SERPINA11: variants seen among roughly 807,000 people sequenced by gnomAD.
SERPINA11 encodes serpin A11.
In SERPINA11, 28 loss-of-function variants were observed where a neutral mutation model predicts 29.4. The ratio of observed to expected loss-of-function variants is 0.95; its 90% CI spans 0.70 to 1.30. The LOEUF is 1.30. Ranked by LOEUF, SERPINA11 falls within the 50% of genes most tolerant of loss-of-function variation. The pLI is 0.00. For synonymous variants in SERPINA11, 253 were observed against 206.6 expected (o/e 1.22, Z -1.92); for missense variants, 530 against 507.3 (o/e 1.04, Z -0.43).
chr14:94,449,406 A>C (rs200619911), intron 1 of SERPINA11, among the ~76,000 whole-genome samples: 3 of 40,696 alleles, frequency 7.4e-5, no homozygotes, highest in African/African-American at 2.2e-4. Flanking sequence ...CTTTCTTTCT[A>C]TTCTTTCTTT....
chr14:94,444,569 C>T (rs942271981), intron 3 of SERPINA11, among the ~76,000 whole-genome samples: 2 of 152,072 alleles, frequency 1.3e-5, no homozygotes, highest in Non-Finnish European at 2.9e-5. Flanking sequence ...CCCAAAGGAG[C>T]CAGGGACTAT....
rs1486264648 is a variant in SERPINA11 at position 94,442,927 on chromosome 14, G to T, written c.1066-118C>A. ...AGGAAGGGGAGGTAGAGAAGGAAAA[G>T]CCCATGAAGAGATGCCTTAAAGACT... On this transcript the variant is annotated intron_variant, in intron 4 of 4. Coordinates refer to ENST00000334708, the MANE Select transcript of SERPINA11 (RefSeq NM_001080451.2). The T allele has an allele frequency of 8.7e-6, 11 of 1,261,670 alleles. No homozygotes were observed. The South Asian group carries it at 1.3e-4, about 15-fold the overall frequency. 78.2% of individuals were successfully genotyped at this position (1,261,670 alleles called of 1,614,324 possible).
At position 94,446,420 on chromosome 14, in the gene SERPINA11, C is replaced by T. The variant is rs114610098; in HGVS notation, c.828G>A (p.Leu276=). The stretch of plus-strand genomic sequence containing the variant: ...TCATTTTCCCCGGGTCAGGGAGGAC[C>T]AGCAGCGCCAAGGCATTTCCTCTGT... ...IEYRGNALAL[L]VLPDPGKMKQ... Residue 276 remains leucine (L), a synonymous_variant, in exon 3 of 5, where the codon CTG becomes CTA. Coordinates refer to ENST00000334708, the MANE Select transcript of SERPINA11 (RefSeq NM_001080451.2). 1.2e-6 allele frequency: 2 copies of T among 1,614,176 alleles called. No individual in the cohort carries two copies. Among genetic ancestry groups the T allele is most frequent in the Non-Finnish European group, 1.7e-6 (2 of 1,180,014 alleles).
In SERPINA11 at chr14:94,442,660, G is replaced by GACC; in HGVS notation, c.1212_1214dup (p.Val405dup). Reference sequence around the variant, plus strand: ...CCAGGAAGAGTAAGCTCTGGGTGGTGACCTCCCAAAGGAGCAAGAGGAAAG... The same window carrying GACC: ...CCAGGAAGAGTAAGCTCTGGGTGGTGACCACCTCCCAAAGGAGCAAGAGGAAAG... On this transcript the variant is annotated inframe_insertion, in exon 5 of 5. Transcript: ENST00000334708. The GACC allele has an allele frequency of 6.2e-7, 1 of 1,612,654 alleles. No individual in the cohort carries two copies. Among genetic ancestry groups the GACC allele is most frequent in the South Asian group, 1.1e-5 (1 of 90,648 alleles).
At chr14:94,449,190 T>C (rs926340831) in intron 1 of SERPINA11, among the ~76,000 whole-genome samples, 1 of 152,108 alleles carries the variant, frequency 6.6e-6, no homozygotes, top group Admixed American at 6.5e-5. Context: ...CTCTACAAAA[T>C]GTTTTTAAAA....
Position 94,452,785 on chromosome 14 carries a change from C to T in SERPINA11, c.-60G>A, listed in dbSNP as rs2139783103. ...TTCAGCACTGCATCACCTCTACCCA[C>T]AGGAAAATGGTGTTTGAAGATGACA... is the stretch of plus-strand genomic sequence containing the variant. On this transcript the variant is annotated 5_prime_UTR_variant, in exon 1 of 5. In the 5' UTR this introduces an upstream ATG that the reference lacks. Coordinates refer to ENST00000334708, the MANE Select transcript of SERPINA11 (RefSeq NM_001080451.2). 6.6e-6 allele frequency: 1 copy of T among 152,396 alleles called. No individual in the cohort carries two copies. The highest frequency in any genetic ancestry group is 2.1e-4 in the South Asian group (1 of 4,826). The allele number at this position is 152,396 out of a possible 1,614,324, so 9.4% of individuals were successfully genotyped here.
intron 3 of SERPINA11, among the ~76,000 whole-genome samples, chr14:94,445,412 G>A (rs545867379): frequency 8.5e-5 from 13 of 152,288 alleles, no homozygotes; most frequent in South Asian, 2.1e-4. Context: ...AAAAGCTGAA[G>A]TTGCTGTGAT....
At chr14:94,445,506 T>C (rs1898417132) in intron 3 of SERPINA11, among the ~76,000 whole-genome samples, 1 of 152,210 alleles carries the variant, frequency 6.6e-6, no homozygotes, top group African/African-American at 2.4e-5. Flanking sequence ...ACAATGTTCT[T>C]AATATTTAAT....
chr14:94,449,559 CTT>C (rs1287859113), intron 1 of SERPINA11, among the ~76,000 whole-genome samples: 2 of 146,308 alleles, frequency 1.4e-5, no homozygotes, highest in Admixed American at 1.4e-4. Flanking sequence ...CTCTTTCTTT[CTT>C]TCTTTCCTTC....
chr14:94,443,596 A>G (rs1467667875), intron 3 of SERPINA11, among the ~76,000 whole-genome samples: 1 of 152,152 alleles, frequency 6.6e-6, no homozygotes, highest in African/African-American at 2.4e-5. Flanking sequence ...ACATCTTCCC[A>G]CTTCCGTATC....
chr14:94,442,856 A>T (rs749944476), intron 4 of SERPINA11, 47 bp from the exon 5 acceptor site: 2 of 1,491,996 alleles, frequency 1.3e-6, no homozygotes, highest in African/African-American at 2.8e-5. Flanking sequence ...GGGGGCCTTC[A>T]AGGGGAAGAC....
Position 94,448,139 on chromosome 14 carries a change from G to C in SERPINA11, c.636C>G (p.Phe212Leu). Residue 212 changes from phenylalanine to leucine, a missense_variant, in exon 2 of 5, where the codon TTC (phenylalanine) becomes TTG (leucine). Transcript: ENST00000334708. Reference protein sequence around the residue: ...DTFMVLANYIFFKAKWKHPFS... With the variant: ...DTFMVLANYILFKAKWKHPFS... Reference sequence around the variant, plus strand: ...TGTCAGAGCAAGCCTCACCTTTGAAGAAGATGTAATTGGCAAGAACCATGA... The same window carrying C: ...TGTCAGAGCAAGCCTCACCTTTGAACAAGATGTAATTGGCAAGAACCATGA... The C allele has an allele frequency of 1.2e-6, 2 of 1,612,982 alleles. No homozygotes were observed. Among genetic ancestry groups the C allele is most frequent in the Admixed American group, 1.7e-5 (1 of 59,972 alleles).
chr14:94,449,445 CT>C (rs140935559), intron 1 of SERPINA11, among the ~76,000 whole-genome samples: 1 of 110,026 alleles, frequency 9.1e-6, no homozygotes, highest in South Asian at 3.1e-4. Flanking sequence ...TTCTTTCTTT[CT>C]TTCTTTCTTT....
rs1157577757 is a variant in SERPINA11 at position 94,446,411 on chromosome 14, A to G, written c.837T>C (p.Pro279=). 1 of 1,614,148 alleles carries G rather than the reference A, an allele frequency of 6.2e-7. No homozygotes were observed. The highest frequency in any genetic ancestry group is 2.2e-5 in the East Asian group (1 of 44,876). The change falls in exon 3 of 5, where the codon CCT becomes CCC. Residue 279 remains proline, a synonymous_variant. Coordinates refer to ENST00000334708, the MANE Select transcript of SERPINA11 (RefSeq NM_001080451.2). The part of the protein sequence containing the change: ...RGNALALLVL[P]DPGKMKQVEA... ...CCACCTGCTTCATTTTCCCCGGGTC[A>G]GGGAGGACCAGCAGCGCCAAGGCAT... is the stretch of plus-strand genomic sequence containing the variant.
chr14:94,446,824 A>C lies in SERPINA11; in HGVS notation c.644-220T>G, dbSNP rs116169304. 9.8e-3 allele frequency among the ~76,000 whole-genome samples: 1,496 copies of C among 152,342 alleles called. 23 individuals are homozygous for C. The highest frequency in any genetic ancestry group is 0.033 in the African/African-American group (1,392 of 41,588). On this transcript the variant is annotated intron_variant, in intron 2 of 4. Coordinates refer to ENST00000334708, the MANE Select transcript of SERPINA11 (RefSeq NM_001080451.2). Reference sequence around the variant, plus strand: ...AGCCTACGATTTTGTTCCATTTCAGAGGAACTTAGCTTCTAACAAGCCAAA... The same window carrying C: ...AGCCTACGATTTTGTTCCATTTCAGCGGAACTTAGCTTCTAACAAGCCAAA...
chr14:94,451,290 C>G (rs904747926), intron 1 of SERPINA11, among the ~76,000 whole-genome samples: 2 of 152,188 alleles, frequency 1.3e-5, no homozygotes, highest in African/African-American at 4.8e-5. Flanking sequence ...TGTTGAAATG[C>G]GTTTGCTGGT....
chr14:94,443,038 A>G (rs1488520099), intron 4 of SERPINA11, 40 bp downstream of exon 4: 10 of 1,583,254 alleles, frequency 6.3e-6, no homozygotes, highest in Non-Finnish European at 8.6e-6. Flanking sequence ...CCTCCTACCT[A>G]CCCCCACCTG....
chr14:94,448,143 A>T lies in SERPINA11; in HGVS notation c.632T>A (p.Ile211Asn). Residue 211 changes from isoleucine (I) to asparagine (N), a missense_variant, in exon 2 of 5, where the codon ATC becomes AAC. Ile to Asn is a moderately radical substitution (Grantham distance 149). Coordinates refer to ENST00000334708, the MANE Select transcript of SERPINA11 (RefSeq NM_001080451.2). ...QDTFMVLANY[I>N]FFKAKWKHPF... Reference sequence around the variant, plus strand: ...AGAGCAAGCCTCACCTTTGAAGAAGATGTAATTGGCAAGAACCATGAACGT... The same window carrying T: ...AGAGCAAGCCTCACCTTTGAAGAAGTTGTAATTGGCAAGAACCATGAACGT... 6.2e-7 allele frequency: 1 copy of T among 1,613,230 alleles called. No homozygotes were observed. The highest frequency in any genetic ancestry group is 8.5e-7 in the Non-Finnish European group (1 of 1,179,286).
In SERPINA11 at chr14:94,448,725, A is replaced by G. The variant is rs1195659202; in HGVS notation, c.50T>C (p.Val17Ala). The G allele has an allele frequency of 1.3e-6, 2 of 1,522,498 alleles. No individual in the cohort carries two copies. The highest frequency in any genetic ancestry group is 2.3e-5 in the East Asian group (1 of 44,076). The allele number at this position is 1,522,498 out of a possible 1,614,324, so 94.3% of individuals were successfully genotyped here. Residue 17 changes from valine (V) to alanine (A), a missense_variant, in exon 2 of 5, where the codon GTC becomes GCC. Val to Ala is a moderately conservative substitution (Grantham distance 64). Coordinates refer to ENST00000334708, the MANE Select transcript of SERPINA11 (RefSeq NM_001080451.2). ...ATGGGCAAGAAGGGGCTGACAGTGGACAGAGGCCAGGATCCCTGTTCCCAG... is the reference window on the plus strand; with the variant it reads ...ATGGGCAAGAAGGGGCTGACAGTGGGCAGAGGCCAGGATCCCTGTTCCCAG... The part of the protein sequence containing the change: ...WLLGTGILAS[V>A]HCQPLLAHGD...
Sources: gnomAD v4.1 joint callset for allele counts (sites outside exome capture counted in the v4.1 genomes callset) on GRCh38, gnomAD v4.1.1 for gene constraint, MANE v1.5 for transcripts, NCBI Gene and HGNC (gene_info 2026-07-23, HGNC 2026-07-21) for gene names.